TRIM31: variants seen among roughly 807,000 people sequenced by gnomAD.
The protein encoded by TRIM31 is E3 ubiquitin-protein ligase TRIM31.
TRIM31 carries 31 observed loss-of-function variants against 40.6 expected under a neutral mutation model. The ratio of observed to expected loss-of-function variants is 0.76; its 90% CI spans 0.57 to 1.03. The LOEUF is 1.03. Among genes scored for constraint, TRIM31 ranks in the 50% least tolerant of loss-of-function variants. The pLI is 0.00. For synonymous variants in TRIM31, 164 were observed against 193.9 expected, an observed-to-expected ratio of 0.85 and a Z score of 1.28; for missense variants, 455 against 497.5, an observed-to-expected ratio of 0.91 and a Z score of 0.81.
chr6:30,112,475 TC>T lies in TRIM31; in HGVS notation c.330del (p.Lys111SerfsTer20), dbSNP rs1769442427. On this transcript the variant is annotated frameshift_variant, in exon 2 of 9. Coordinates refer to ENST00000376734, the MANE Select transcript of TRIM31 (RefSeq NM_007028.5). LOFTEE classifies it high-confidence loss of function. ...TCACGACACACAAAACAGAGGAACT[TC>T]CCATCATCCTCGCAGAAATAGTGGA... ...EMFHYFCEDD[G>X]KFLCFVCRES... 1.2e-6 allele frequency: 2 copies of T among 1,613,116 alleles called. No individual in the cohort carries two copies. Among genetic ancestry groups the T allele is most frequent in the Admixed American group, 3.3e-5 (2 of 60,030 alleles).
At position 30,112,629 on chromosome 6, in the gene TRIM31, G is replaced by A. The variant is rs953081511; in HGVS notation, c.177C>T (p.Ser59=). Residue 59 remains serine (S), a synonymous_variant, in exon 2 of 9, where the codon TCC becomes TCT. Coordinates refer to ENST00000376734, the MANE Select transcript of TRIM31 (RefSeq NM_007028.5). ...TGAACCTGATTGCGTTCTTCCTTACGGAAGTTTTGCAGAGGGGACATTTGA... is the reference window on the plus strand; with the variant it reads ...TGAACCTGATTGCGTTCTTCCTTACAGAAGTTTTGCAGAGGGGACATTTGA... ...GFFKCPLCKT[S]VRKNAIRFNS... is the part of the protein sequence containing the mutation. 12 of 1,612,930 alleles carry A rather than the reference G, an allele frequency of 7.4e-6. No individual in the cohort carries two copies. The highest frequency in any genetic ancestry group is 1.6e-4 in the Middle Eastern group (1 of 6,084).
At chr6:30,110,294 T>C (rs1378150982) in intron 4 of TRIM31, among the ~76,000 whole-genome samples, 154 bp downstream of exon 4, 2 of 152,262 alleles carry the variant, frequency 1.3e-5, no homozygotes, top group Admixed American at 6.5e-5. Flanking sequence ...ATTTTCATTC[T>C]AATACATGCG....
At position 30,103,844 on chromosome 6, in the gene TRIM31, T is replaced by A. The variant is rs192708180; in HGVS notation, c.1025-55A>T. ...GTCAGCGGGAGCACCTCGGCAGCAA[T>A]CCTCCATTGCCAGACAGCACAGCTG... On this transcript the variant is annotated intron_variant, in intron 8 of 8. Coordinates refer to ENST00000376734, the MANE Select transcript of TRIM31 (RefSeq NM_007028.5). 5.7e-5 allele frequency: 91 copies of A among 1,607,470 alleles called. No homozygotes were observed. The African/African-American group carries it at 9.9e-4, about 17-fold the overall frequency.
rs1443647788 is a variant in TRIM31 at position 30,104,160 on chromosome 6, C to G, written c.966G>C (p.Leu322Phe). ...TCATTTTATGATTATTTTTCTGTAA[C>G]AAGCCCCCTAAAAATTGGGGAGAGA... ...MNKNDMKSWG[L>F]LQKNNHKMNK... is the part of the protein sequence containing the mutation. Residue 322 changes from leucine (L) to phenylalanine (F), a missense_variant, in exon 8 of 9, where the codon TTG (leucine) becomes TTC (phenylalanine). Transcript: ENST00000376734. 3 of 1,612,828 alleles carry G rather than the reference C, an allele frequency of 1.9e-6. No homozygotes were observed. In the African/African-American group the frequency reaches 4.0e-5, roughly 22 times the overall value.
intron 2 of TRIM31, 60 bp from the exon 3 acceptor site, chr6:30,111,803 C>T: frequency 6.6e-7 from 1 of 1,515,732 alleles, no homozygotes. Flanking sequence ...TCATAAAATC[C>T]TCCTGGTCTC....
intron 6 of TRIM31, among the ~76,000 whole-genome samples, chr6:30,107,360 G>A (rs1298931116): frequency 6.6e-6 from 1 of 151,688 alleles, no homozygotes; most frequent in Non-Finnish European, 1.5e-5. Context: ...TGTGTATGGG[G>A]GGCTGGGGGT....
In TRIM31 at chr6:30,105,216, C is replaced by A. The variant is rs1768556419; in HGVS notation, c.910G>T (p.Asp304Tyr). The A allele has an allele frequency of 6.2e-7, 1 of 1,612,748 alleles. No homozygotes were observed. Among genetic ancestry groups the A allele is most frequent in the Non-Finnish European group, 8.5e-7 (1 of 1,179,912 alleles). ...ATGCTTTTGAAGAATCTGTTTTCAT[C>A]TTTTTTCCTATCAGCCTGGAGTTGG... ...KDQLQADRKK[D>Y]ENRFFKSMNK... The change falls in exon 7 of 9, where the codon GAT (aspartate) becomes TAT (tyrosine). Residue 304 changes from aspartate (D) to tyrosine (Y), a missense_variant. Coordinates refer to ENST00000376734, the MANE Select transcript of TRIM31 (RefSeq NM_007028.5).
rs781401484 is a variant in TRIM31 at position 30,112,673 on chromosome 6, C to T, written c.133G>A (p.Glu45Lys). ...CATTTGAAAAATCCACATGATGTTTCCCCAATCTGAGTGATGCATTTGAGG... is the reference window on the plus strand; with the variant it reads ...CATTTGAAAAATCCACATGATGTTTTCCCAATCTGAGTGATGCATTTGAGG... ...FCLKCITQIG[E>K]TSCGFFKCPL... The change falls in exon 2 of 9, where the codon GAA (glutamate) becomes AAA (lysine). Residue 45 changes from glutamate to lysine, a missense_variant. Transcript: ENST00000376734. The T allele has an allele frequency of 1.2e-6, 2 of 1,612,996 alleles. No individual in the cohort carries two copies. The highest frequency in any genetic ancestry group is 1.7e-6 in the Non-Finnish European group (2 of 1,180,058).
intron 7 of TRIM31, 88 bp downstream of exon 7, chr6:30,105,080 G>A (rs1768541978): frequency 8.8e-7 from 1 of 1,139,076 alleles, no homozygotes; most frequent in East Asian, 2.4e-5. Context: ...CTTATATCTG[G>A]CCTTCATGTA....
intron 5 of TRIM31, among the ~76,000 whole-genome samples, chr6:30,108,453 G>A (rs1161321294): frequency 6.6e-6 from 1 of 151,526 alleles, no homozygotes; most frequent in Non-Finnish European, 1.5e-5. Flanking sequence ...CAGCTACTTG[G>A]GAGGCTGAGG....
intron 6 of TRIM31, chr6:30,105,453 A>G (rs866196679): frequency 2.5e-5 from 10 of 395,076 alleles, no homozygotes; most frequent in Middle Eastern, 5.2e-4. Context: ...AGCACTGTCC[A>G]GTATGAATGA....
At chr6:30,106,570 T>G (rs1190533968) in intron 6 of TRIM31, among the ~76,000 whole-genome samples, 1 of 150,938 alleles carries the variant, frequency 6.6e-6, no homozygotes, top group Non-Finnish European at 1.5e-5. Flanking sequence ...CCTTCTTCTT[T>G]GGGGTAAAAA....
intron 6 of TRIM31, among the ~76,000 whole-genome samples, chr6:30,106,089 C>A (rs1298216340): frequency 6.6e-6 from 1 of 152,228 alleles, no homozygotes; most frequent in Non-Finnish European, 1.5e-5. Flanking sequence ...ATGGCCCATT[C>A]CTGGCCTAGA....
intron 5 of TRIM31, chr6:30,108,701 C>G: frequency 2.0e-6 from 1 of 495,476 alleles, no homozygotes; most frequent in Non-Finnish European, 3.6e-6. Context: ...GAGATGGAGA[C>G]AGAGAGGAGG....
At chr6:30,104,577 C>T (rs1279366013) in intron 7 of TRIM31, among the ~76,000 whole-genome samples, 1 of 152,178 alleles carries the variant, frequency 6.6e-6, no homozygotes, top group African/African-American at 2.4e-5. Flanking sequence ...ACTTAATGAT[C>T]ATATGACCTG....
rs745417743 is a variant in TRIM31 at position 30,103,835 on chromosome 6, C to T, written c.1025-46G>A. The T allele has an allele frequency of 6.8e-6, 11 of 1,608,986 alleles. No individual in the cohort carries two copies. In the East Asian group the frequency reaches 1.8e-4, roughly 26 times the overall value. On this transcript the variant is annotated intron_variant, in intron 8 of 8. Coordinates refer to ENST00000376734, the MANE Select transcript of TRIM31 (RefSeq NM_007028.5). ...AGAAAAGAGGTCAGCGGGAGCACCT[C>T]GGCAGCAATCCTCCATTGCCAGACA...
rs1768347502 is a variant in TRIM31, at chr6:30,103,183, G to T, written c.*353C>A. ...TCCGGATTTCACTCCTGGCTGAACT[G>T]GTGCCTTCGGTAAACAGCTGCTTAA... On this transcript the variant is annotated 3_prime_UTR_variant, in exon 9 of 9. Transcript: ENST00000376734. The T allele has an allele frequency of 2.9e-6, 1 of 347,900 alleles. No homozygotes were observed. The highest frequency in any genetic ancestry group is 5.4e-6 in the Non-Finnish European group (1 of 186,892). 21.6% of individuals were successfully genotyped at this position (347,900 alleles called of 1,614,324 possible).
In TRIM31 at chr6:30,113,054, G is replaced by C. The variant is rs1271609747; in HGVS notation, c.-84+10C>G. On this transcript the variant is annotated intron_variant, in intron 1 of 8. Coordinates refer to ENST00000376734, the MANE Select transcript of TRIM31 (RefSeq NM_007028.5). The stretch of plus-strand genomic sequence containing the variant: ...ATTATAAAGAGAGGAAAACAGATGG[G>C]CAGTCCTACCTTGCTACCTCTTGAG... The C allele has an allele frequency of 4.1e-6, 2 of 487,186 alleles. No individual in the cohort carries two copies. The highest frequency in any genetic ancestry group is 7.6e-5 in the Admixed American group (2 of 26,472). 30.2% of individuals were successfully genotyped at this position (487,186 alleles called of 1,614,324 possible).
chr6:30,110,955 C>G (rs1769242822), intron 3 of TRIM31, among the ~76,000 whole-genome samples: 1 of 151,344 alleles, frequency 6.6e-6, no homozygotes, highest in African/African-American at 2.4e-5. Flanking sequence ...TATAATCTTT[C>G]ATATAGATTT....
Sources: gnomAD v4.1 joint callset for allele counts (sites outside exome capture counted in the v4.1 genomes callset) on GRCh38, gnomAD v4.1.1 for gene constraint, MANE v1.5 for transcripts, NCBI Gene and HGNC (gene_info 2026-07-23, HGNC 2026-07-21) for gene names.